RRAGB: variants seen among roughly 807,000 people sequenced by gnomAD.
The protein encoded by RRAGB is Ras related GTP binding B, also known as ras-related GTP-binding protein B.
Under a neutral mutation model 29.3 loss-of-function variants are expected in RRAGB, and 6 were observed. The ratio of observed to expected loss-of-function variants is 0.21; its 90% CI spans 0.11 to 0.40. The LOEUF is 0.40. Ranked by LOEUF, RRAGB falls within the 10% of genes least tolerant of loss-of-function variation. RRAGB has a pLI of 1.00. For synonymous variants in RRAGB, 101 were observed against 92.5 expected (o/e 1.09, Z -0.53); for missense variants, 184 against 272.9 (o/e 0.67, Z 2.29).
At chrX:55,738,504 T>C (rs1221093821) in intron 5 of RRAGB, among the ~76,000 whole-genome samples, 1 of 112,609 alleles carries the variant, frequency 8.9e-6, no homozygotes, top group East Asian at 2.8e-4. Context: ...ATAGCCTTAG[T>C]GTGATGGCTT....
chrX:55,722,260 A>G lies in RRAGB; in HGVS notation c.201A>G (p.Arg67=), dbSNP rs1290861926. The change falls in exon 3 of 10, where the codon AGA becomes AGG. Residue 67 remains arginine, a synonymous_variant. Coordinates refer to ENST00000374941, the MANE Select transcript of RRAGB (RefSeq NM_006064.5). ...RSIIFANYIA[R]DTRRLGATID... The stretch of plus-strand genomic sequence containing the variant: ...TTATCTTTGCAAATTATATTGCCAG[A>G]GACACACGTCGCCTTGGCGCAACAA... 1 of 1,191,439 alleles carries G rather than the reference A, an allele frequency of 8.4e-7. No homozygotes were observed. Among genetic ancestry groups the G allele is most frequent in the Non-Finnish European group, 1.1e-6 (1 of 878,641 alleles).
intron 1 of RRAGB, 93 bp from the exon 2 acceptor site, chrX:55,719,221 C>T (rs1049972224): frequency 6.6e-5 from 51 of 770,726 alleles, no homozygotes; most frequent in Non-Finnish European, 9.3e-5. Flanking sequence ...ACTAAACATG[C>T]TCTTTTGTAC....
chrX:55,729,331 C>A lies in RRAGB; in HGVS notation c.264C>A (p.Asn88Lys), dbSNP rs770010761. ...ATTCTCATGTTCGATTTCTGGGAAA[C>A]CTGGTATTGAACCTGTGGGATTGTG... ...VEHSHVRFLG[N>K]LVLNLWDCGG... is the part of the protein sequence containing the mutation. Residue 88 changes from asparagine to lysine, a missense_variant, in exon 4 of 10, where the codon AAC becomes AAA. Asn to Lys is a moderately conservative substitution (Grantham distance 94). Coordinates refer to ENST00000374941, the MANE Select transcript of RRAGB (RefSeq NM_006064.5). The A allele has an allele frequency of 8.3e-7, 1 of 1,198,706 alleles. No individual in the cohort carries two copies. The highest frequency in any genetic ancestry group is 3.0e-5 in the East Asian group (1 of 33,691).
rs1484774445 is a variant in RRAGB at position 55,729,470 on chromosome X, A to G, written c.293+110A>G. The G allele has an allele frequency of 5.9e-5, 28 of 472,667 alleles. No individual in the cohort carries two copies. In the South Asian group the frequency reaches 1.0e-3, roughly 18 times the overall value. 39.0% of individuals were successfully genotyped at this position (472,667 alleles called of 1,213,427 possible). ...GTAACTATCATTTGTAATAGATTGG[A>G]TAGAATTACTTTAAAATTGACACTT... is the stretch of plus-strand genomic sequence containing the variant. On this transcript the variant is annotated intron_variant, in intron 4 of 9. Transcript: ENST00000374941.
rs780182950 is a variant in RRAGB at position 55,731,571 on chromosome X, G to A, written c.501G>A (p.Glu167=). 5 of 1,184,252 alleles carry A rather than the reference G, an allele frequency of 4.2e-6. No individual in the cohort carries two copies. The South Asian group carries it at 9.2e-5, about 22-fold the overall frequency. The change falls in exon 5 of 10, where the codon GAG becomes GAA. Residue 167 remains glutamate (E), a synonymous_variant. Transcript: ENST00000374941. ...TACACAAAATGGATCTGGTACAGGA[G>A]GATCAACGGGACCTGGTAAGAAACA... is the stretch of plus-strand genomic sequence containing the variant. ...CLVHKMDLVQ[E]DQRDLIFKER...
At position 55,751,164 on chromosome X, in the gene RRAGB, C is replaced by T; in HGVS notation, c.580C>T (p.Arg194Ter). 8.5e-7 allele frequency: 1 copy of T among 1,179,831 alleles called. No individual in the cohort carries two copies. Among genetic ancestry groups the T allele is most frequent in the Non-Finnish European group, 1.2e-6 (1 of 867,985 alleles). The change falls in exon 6 of 10, where the codon CGA becomes TGA. Residue 194 changes from arginine (R) to a stop codon, truncating the protein, a stop_gained. Coordinates refer to ENST00000374941, the MANE Select transcript of RRAGB (RefSeq NM_006064.5). LOFTEE classifies it high-confidence loss of function. ...LSRPLECSCFRTSIWDETLYK... is the reference protein window; with the variant it reads ...LSRPLECSCF The stretch of plus-strand genomic sequence containing the variant: ...TCGCCCATTGGAATGTTCTTGTTTC[C>T]GAACATCTATCTGGGATGAAACCCT...
At chrX:55,755,661 C>T (rs1326219334) in intron 7 of RRAGB, 180 bp from the exon 8 acceptor site, 29 of 981,614 alleles carry the variant, frequency 3.0e-5, no homozygotes, top group Admixed American at 4.7e-5. Context: ...TCTGAATGGA[C>T]GTTGAAACCA....
intron 4 of RRAGB, among the ~76,000 whole-genome samples, chrX:55,730,596 A>G (rs1353951418): frequency 1.8e-5 from 2 of 112,147 alleles, no homozygotes; most frequent in Admixed American, 1.9e-4. Flanking sequence ...CACTTAGCCT[A>G]ACGAGCAAAG....
chrX:55,733,531 G>T (rs1440364871), intron 5 of RRAGB, among the ~76,000 whole-genome samples: 1 of 111,443 alleles, frequency 9.0e-6, no homozygotes, highest in East Asian at 2.8e-4. Context: ...GGGTTTTATT[G>T]AATGCTTTTT....
At chrX:55,737,220 A>T (rs371834699) in intron 5 of RRAGB, among the ~76,000 whole-genome samples, 2 of 112,195 alleles carry the variant, frequency 1.8e-5, no homozygotes, top group East Asian at 5.7e-4. Context: ...CTTCCCCATC[A>T]TGCTTTTGTC....
At chrX:55,732,229 A>G (rs1171952434) in intron 5 of RRAGB, among the ~76,000 whole-genome samples, 1 of 111,792 alleles carries the variant, frequency 8.9e-6, no homozygotes, top group East Asian at 2.8e-4. Context: ...GGCCCATTAT[A>G]GAAAGACGTA....
At chrX:55,755,968 T>G (rs1425959095) in intron 8 of RRAGB, 36 bp downstream of exon 8, 9 of 978,407 alleles carry the variant, frequency 9.2e-6, no homozygotes, top group Non-Finnish European at 1.3e-5. Context: ...GTTTATCTCT[T>G]GAAAAAATTA....
intron 5 of RRAGB, among the ~76,000 whole-genome samples, chrX:55,732,186 C>A (rs1249176465): frequency 1.8e-5 from 2 of 111,784 alleles, no homozygotes; most frequent in African/African-American, 6.5e-5. Flanking sequence ...AGATAGCTAT[C>A]CACAAACCAA....
intron 5 of RRAGB, among the ~76,000 whole-genome samples, chrX:55,747,835 C>CTCTCCCTCTCCCCACGG (rs760099631): frequency 1.0e-5 from 1 of 98,030 alleles, no homozygotes; most frequent in Non-Finnish European, 2.1e-5. Context: ...CTCCCTCTCC[C>CTCTCCCTCTCCCCACGG]TCTCCCTCTC....
Position 55,751,426 on chromosome X carries a change from CCA to C in RRAGB, c.612+231_612+232del. On this transcript the variant is annotated intron_variant, in intron 6 of 9. Transcript: ENST00000374941. The stretch of plus-strand genomic sequence containing the variant: ...TAGCTACCAAGTCACACTGAATTAG[CCA>C]GTTTGGTCATGATTAATTTGATACT... 3 of 312,090 alleles carry C rather than the reference CCA, an allele frequency of 9.6e-6. No homozygotes were observed. The South Asian group carries it at 2.3e-4, about 23-fold the overall frequency. 25.7% of individuals were successfully genotyped at this position (312,090 alleles called of 1,213,427 possible).
intron 1 of RRAGB, among the ~76,000 whole-genome samples, chrX:55,718,674 A>G (rs1237483994): frequency 1.8e-5 from 2 of 111,583 alleles, no homozygotes; most frequent in African/African-American, 6.5e-5. Context: ...TAAAGCAGTT[A>G]TGAGTTGCTT....
At chrX:55,756,005 C>G in intron 8 of RRAGB, 73 bp downstream of exon 8, 1 of 683,077 alleles carries the variant, frequency 1.5e-6, no homozygotes, top group Non-Finnish European at 2.3e-6. Context: ...GTTCAAATAA[C>G]TATAGTTAAC....
intron 5 of RRAGB, among the ~76,000 whole-genome samples, chrX:55,745,767 A>G (rs140962709): frequency 0.018 from 2,043 of 112,305 alleles, 39 homozygotes; most frequent in African/African-American, 0.063. Flanking sequence ...CAAGAGACCA[A>G]TGAGGGATTC....
At chrX:55,743,080 C>T (rs1238018730) in intron 5 of RRAGB, among the ~76,000 whole-genome samples, 6 of 111,826 alleles carry the variant, frequency 5.4e-5, no homozygotes, top group Non-Finnish European at 1.1e-4. Flanking sequence ...TTCTGTCAAG[C>T]CAGCTGCTTT....
Sources: gnomAD v4.1 joint callset for allele counts (sites outside exome capture counted in the v4.1 genomes callset) on GRCh38, gnomAD v4.1.1 for gene constraint, MANE v1.5 for transcripts, NCBI Gene and HGNC (gene_info 2026-07-23, HGNC 2026-07-21) for gene names.